RABGAP1L: variants seen among roughly 807,000 people sequenced by gnomAD.
The protein encoded by RABGAP1L is rab GTPase-activating protein 1-like.
In RABGAP1L, 63 loss-of-function variants were observed where a neutral mutation model predicts 137.7. The observed-to-expected ratio is 0.46, with a 90% CI of 0.37 to 0.56. RABGAP1L has a LOEUF of 0.56. Ranked by LOEUF, RABGAP1L falls within the 20% of genes least tolerant of loss-of-function variation. The pLI, the probability that RABGAP1L is intolerant of heterozygous loss-of-function variation, is 0.00. For missense variants in RABGAP1L, 1,095 were observed against 1,244.0 expected, an observed-to-expected ratio of 0.88 and a Z score of 1.80; for synonymous variants, 431 against 433.7, an observed-to-expected ratio of 0.99 and a Z score of 0.08.
intron 10 of RABGAP1L, among the ~76,000 whole-genome samples, chr1:174,284,306 A>C (rs1675857110): frequency 6.6e-6 from 1 of 152,174 alleles, no homozygotes; most frequent in African/African-American, 2.4e-5. Flanking sequence ...TATGAGTTTA[A>C]CTTTTTTAGA....
chr1:174,251,336 G>T (rs1672698076), intron 6 of RABGAP1L, among the ~76,000 whole-genome samples: 1 of 149,848 alleles, frequency 6.7e-6, no homozygotes, highest in African/African-American at 2.5e-5. Context: ...GATAATATAT[G>T]GTTTGACCAC....
intron 3 of RABGAP1L, among the ~76,000 whole-genome samples, chr1:174,225,259 T>G (rs938599504): frequency 1.3e-5 from 2 of 152,214 alleles, no homozygotes; most frequent in Middle Eastern, 3.4e-3. Context: ...TTTTTAAAGT[T>G]TTTTTGTTTC....
intron 1 of RABGAP1L, among the ~76,000 whole-genome samples, chr1:174,192,298 C>T (rs2148342536): frequency 6.8e-6 from 1 of 147,632 alleles, no homozygotes; most frequent in Admixed American, 6.8e-5. Flanking sequence ...AATTGAGTCA[C>T]TTATCCACCT....
intron 19 of RABGAP1L, among the ~76,000 whole-genome samples, chr1:174,871,277 G>A (rs531298424): frequency 6.6e-6 from 1 of 152,114 alleles, no homozygotes; most frequent in East Asian, 1.9e-4. Context: ...GGGATTACAG[G>A]CATATGCCAC....
In RABGAP1L at chr1:174,349,560, C is replaced by CG. The variant is rs554083840; in HGVS notation, c.1466-21415dup. Among the ~76,000 whole-genome samples the CG allele has an allele frequency of 1.5e-3, 202 of 131,420 alleles. 1 individual carries two copies. The highest frequency in any genetic ancestry group is 4.6e-3 in the African/African-American group (164 of 35,622). The allele number at this position is 131,420 out of a possible 152,430, so 86.2% of individuals were successfully genotyped here. On this transcript the variant is annotated intron_variant, in intron 11 of 25. Coordinates refer to ENST00000681986, the MANE Select transcript of RABGAP1L (RefSeq NM_001366446.1). ...GCAGAGGCGCCCCTCACCTCCCGGA[C>CG]GGGGCCACTGGCCGGGCAGGGGGGC...
chr1:174,924,849 C>T (rs1022404098), intron 19 of RABGAP1L, among the ~76,000 whole-genome samples: 8 of 151,878 alleles, frequency 5.3e-5, no homozygotes, highest in Admixed American at 4.6e-4. Context: ...GCAATAAACA[C>T]AATACCTAAG....
At chr1:174,847,535 T>C (rs1647247003) in intron 19 of RABGAP1L, among the ~76,000 whole-genome samples, 1 of 146,840 alleles carries the variant, frequency 6.8e-6, no homozygotes, top group South Asian at 2.3e-4. Flanking sequence ...TTCTTTTCTT[T>C]AAGAATGTTG....
At chr1:174,800,408 G>T (rs866226913) in intron 18 of RABGAP1L, 2 of 1,550,662 alleles carry the variant, frequency 1.3e-6, no homozygotes, top group Non-Finnish European at 1.7e-6. Context: ...GGACATGCAC[G>T]ACGAGAGGAG....
intron 19 of RABGAP1L, among the ~76,000 whole-genome samples, chr1:174,833,451 T>TAGATATATATATATAG (rs1558127395): frequency 5.3e-5 from 2 of 38,062 alleles, no homozygotes; most frequent in African/African-American, 7.9e-5. Flanking sequence ...TGTGTAGAGA[T>TAGATATATATATATAG]ATATATATAT....
rs1289679767 is a variant in RABGAP1L, at chr1:174,699,588, C to G, written c.1963C>G (p.Leu655Val). The change falls in exon 16 of 26, where the codon CTC becomes GTC. Residue 655 changes from leucine (L) to valine (V), a missense_variant. Leu to Val is a conservative substitution (Grantham distance 32). Around this residue, in one of 4 missense-constraint regions of RABGAP1L, gnomAD observed 315 missense variants for 324.8 expected, o/e 0.97. Transcript: ENST00000681986. The part of the protein sequence containing the change: ...KIMYDYGLRD[L>V]YRNNFEDLHC... ...CATGTACGACTATGGTTTGAGAGACCTCTACAGAAACAACTTCGAAGATCT... is the reference window on the plus strand; with the variant it reads ...CATGTACGACTATGGTTTGAGAGACGTCTACAGAAACAACTTCGAAGATCT... 2 of 1,609,832 alleles carry G rather than the reference C, an allele frequency of 1.2e-6. No homozygotes were observed. The highest frequency in any genetic ancestry group is 8.5e-7 in the Non-Finnish European group (1 of 1,176,224).
Position 174,954,755 on chromosome 1 carries a change from G to T in RABGAP1L, c.2341-2702G>T, listed in dbSNP as rs977595730. On this transcript the variant is annotated intron_variant, in intron 19 of 25. Coordinates refer to ENST00000681986, the MANE Select transcript of RABGAP1L (RefSeq NM_001366446.1). ...GGTGGGAAAATGGCTCCTGGAGTAGGCTCTCTCCTCACAATACCTTTAGCT... is the reference window on the plus strand; with the variant it reads ...GGTGGGAAAATGGCTCCTGGAGTAGTCTCTCTCCTCACAATACCTTTAGCT... Among the ~76,000 whole-genome samples, 3 of 152,134 alleles carry T rather than the reference G, an allele frequency of 2.0e-5. No homozygotes were observed. The South Asian group carries it at 6.2e-4, about 32-fold the overall frequency.
At chr1:174,863,009 C>T (rs916156927) in intron 19 of RABGAP1L, among the ~76,000 whole-genome samples, 1 of 151,706 alleles carries the variant, frequency 6.6e-6, no homozygotes, top group African/African-American at 2.4e-5. Flanking sequence ...ATTCTCCTGC[C>T]TCAGCCTCCC....
In RABGAP1L at chr1:174,755,343, T is replaced by G. The variant is rs75686420; in HGVS notation, c.2211+2989T>G. Among the ~76,000 whole-genome samples the G allele has an allele frequency of 1.9e-3, 296 of 152,330 alleles. 1 individual carries two copies. Among genetic ancestry groups the G allele is most frequent in the Middle Eastern group, 0.01 (3 of 294 alleles). On this transcript the variant is annotated intron_variant, in intron 18 of 25. Coordinates refer to ENST00000681986, the MANE Select transcript of RABGAP1L (RefSeq NM_001366446.1). ...ATATATTCCTCCAAATGTAATTTAT[T>G]TACTTATATGAAACATTAGGTAGTC...
chr1:174,770,169 A>C (rs983560193), intron 18 of RABGAP1L, among the ~76,000 whole-genome samples: 1 of 152,166 alleles, frequency 6.6e-6, no homozygotes, highest in Admixed American at 6.6e-5. Flanking sequence ...GCAGTAAAAC[A>C]CCACTCCTGG....
At chr1:174,852,024 G>A (rs1305042611) in intron 19 of RABGAP1L, among the ~76,000 whole-genome samples, 1 of 152,252 alleles carries the variant, frequency 6.6e-6, no homozygotes, top group Non-Finnish European at 1.5e-5. Flanking sequence ...ATCCAAGACT[G>A]AATAAAGGTA....
intron 14 of RABGAP1L, among the ~76,000 whole-genome samples, chr1:174,645,689 G>T (rs1232759971): frequency 6.6e-6 from 1 of 152,154 alleles, no homozygotes; most frequent in African/African-American, 2.4e-5. Context: ...ATGTATGCAT[G>T]TGTCTTTATA....
At chr1:174,958,264 G>A in intron 20 of RABGAP1L, 3 of 1,117,518 alleles carry the variant, frequency 2.7e-6, no homozygotes, top group Non-Finnish European at 3.5e-6. Context: ...AAAGTATGAA[G>A]TTTCAGAATC....
At chr1:174,684,458 A>G (rs754080547) in intron 15 of RABGAP1L, among the ~76,000 whole-genome samples, 3 of 152,204 alleles carry the variant, frequency 2.0e-5, no homozygotes, top group South Asian at 2.1e-4. Context: ...TACTATAGCA[A>G]TTGTACACGG....
intron 4 of RABGAP1L, among the ~76,000 whole-genome samples, chr1:174,240,487 ATCCACCCATCTCGACC>A (rs1230970053): frequency 1.3e-5 from 2 of 152,178 alleles, no homozygotes; most frequent in Non-Finnish European, 2.9e-5. Context: ...ACCTCAAGTG[ATCCACCCATCTCGACC>A]TCCTAAAGTG....
Sources: gnomAD v4.1 joint callset for allele counts (sites outside exome capture counted in the v4.1 genomes callset) on GRCh38, gnomAD v4.1.1 for gene constraint, gnomAD v4.1.1 regional missense constraint, MANE v1.5 for transcripts, NCBI Gene and HGNC (gene_info 2026-07-23, HGNC 2026-07-21) for gene names.